MOXD1: variants seen among roughly 807,000 people sequenced by gnomAD.
MOXD1 encodes DBH-like monooxygenase protein 1.
Under a neutral mutation model 66.6 loss-of-function variants are expected in MOXD1, and 62 were observed. The observed-to-expected ratio is 0.93, with a 90% CI of 0.76 to 1.15. The LOEUF is 1.15. Among genes scored for constraint, MOXD1 ranks in the 50% most tolerant of loss-of-function variants. The pLI, the probability that MOXD1 is intolerant of heterozygous loss-of-function variation, is 0.00. For missense variants in MOXD1, 847 were observed against 754.6 expected, an observed-to-expected ratio of 1.12 and a Z score of -1.44; for synonymous variants, 303 against 281.9, an observed-to-expected ratio of 1.07 and a Z score of -0.75.
In MOXD1 at chr6:132,353,650, T is replaced by A. The variant is rs75346929; in HGVS notation, c.663+18958A>T. ...TGATGATGATGTGCCTAGGTGATTA[T>A]CTTTCTGTGATGAATTTCCCAGATC... is the stretch of plus-strand genomic sequence containing the variant. On this transcript the variant is annotated intron_variant, in intron 4 of 11. Transcript: ENST00000367963. Among the ~76,000 whole-genome samples the A allele has an allele frequency of 3.1e-3, 475 of 152,298 alleles. 26 individuals are homozygous for A. The East Asian group carries it at 0.083, about 26-fold the overall frequency.
At chr6:132,316,577 C>T (rs922168378) in intron 9 of MOXD1, among the ~76,000 whole-genome samples, 5 of 152,034 alleles carry the variant, frequency 3.3e-5, no homozygotes, top group Non-Finnish European at 5.9e-5. Context: ...AATAGAAATT[C>T]TAGAGCTGAG....
chr6:132,394,332 A>T (rs1271013651), intron 1 of MOXD1, among the ~76,000 whole-genome samples: 5 of 152,210 alleles, frequency 3.3e-5, no homozygotes, highest in African/African-American at 1.2e-4. Flanking sequence ...TATGAAAGCA[A>T]ATTCAAAAAA....
chr6:132,322,821 A>G lies in MOXD1; in HGVS notation c.1163T>C (p.Leu388Pro). The change falls in exon 8 of 12, where the codon CTC becomes CCC. Residue 388 changes from leucine to proline, a missense_variant. Transcript: ENST00000367963. ...GCCTCTGCCAGCCAGGTGAGCATGG[A>G]GAAGAACAGCAAACACATGAATTCC... ...PSGIHVFAVL[L>P]HAHLAGRGIR... 1.2e-6 allele frequency: 2 copies of G among 1,614,058 alleles called. No individual in the cohort carries two copies. The highest frequency in any genetic ancestry group is 1.7e-6 in the Non-Finnish European group (2 of 1,179,960).
Position 132,381,404 on chromosome 6 carries a change from A to G in MOXD1, c.265-6627T>C, listed in dbSNP as rs183410907. On this transcript the variant is annotated intron_variant, in intron 1 of 11. Transcript: ENST00000367963. ...GTCAATATTATACAACAGAAGTGGCATATTGGCCAATCTTAAAAGCACAAT... is the reference window on the plus strand; with the variant it reads ...GTCAATATTATACAACAGAAGTGGCGTATTGGCCAATCTTAAAAGCACAAT... 3.7e-3 allele frequency among the ~76,000 whole-genome samples: 564 copies of G among 152,282 alleles called. 2 individuals carry two copies. Among genetic ancestry groups the G allele is most frequent in the African/African-American group, 0.013 (536 of 41,576 alleles).
At chr6:132,373,935 G>A (rs75189589) in intron 2 of MOXD1, among the ~76,000 whole-genome samples, 3,530 of 151,716 alleles carry the variant, frequency 0.023, 73 homozygotes, top group South Asian at 0.058. Context: ...TTTCTGCCTC[G>A]TTCACTCTTT....
At chr6:132,339,032 C>T (rs975164535) in intron 4 of MOXD1, among the ~76,000 whole-genome samples, 1 of 152,118 alleles carries the variant, frequency 6.6e-6, no homozygotes, top group African/African-American at 2.4e-5. Context: ...AATTTTAAGG[C>T]TTGTATGTCA....
chr6:132,315,520 A>C, intron 10 of MOXD1, 115 bp downstream of exon 10: 1 of 1,222,662 alleles, frequency 8.2e-7, no homozygotes, highest in Non-Finnish European at 1.1e-6. Context: ...AAGTAATCAA[A>C]TAGAACAAAC....
intron 1 of MOXD1, chr6:132,375,053 C>T: frequency 1.9e-6 from 1 of 528,048 alleles, no homozygotes; most frequent in Non-Finnish European, 3.3e-6. Context: ...GTGTGCCTTT[C>T]CTTCCTTGGA....
At chr6:132,304,977 T>A (rs556956798) in intron 10 of MOXD1, among the ~76,000 whole-genome samples, 1 of 152,218 alleles carries the variant, frequency 6.6e-6, no homozygotes, top group African/African-American at 2.4e-5. Context: ...GTCTCTCAAC[T>A]GGAATCTGCT....
At chr6:132,307,746 C>T (rs1278932779) in intron 10 of MOXD1, among the ~76,000 whole-genome samples, 3 of 152,068 alleles carry the variant, frequency 2.0e-5, no homozygotes, top group South Asian at 2.1e-4. Flanking sequence ...TAATGGAAAT[C>T]GAACAACCTG....
intron 4 of MOXD1, among the ~76,000 whole-genome samples, chr6:132,357,962 A>G (rs1029063232): frequency 1.2e-4 from 18 of 152,234 alleles, no homozygotes; most frequent in Admixed American, 2.0e-4. Context: ...TTAGACTGTT[A>G]GAGGAAAGAA....
At chr6:132,373,383 T>C (rs1219672244) in intron 2 of MOXD1, among the ~76,000 whole-genome samples, 9 of 152,198 alleles carry the variant, frequency 5.9e-5, no homozygotes, top group African/African-American at 2.2e-4. Context: ...CTTTGGAAAA[T>C]TAAATGCCAT....
rs778443111 is a variant in MOXD1 at position 132,315,818 on chromosome 6, C to T, written c.1366-41G>A. The T allele has an allele frequency of 2.5e-6, 4 of 1,587,986 alleles. No homozygotes were observed. In the South Asian group the frequency reaches 4.5e-5, roughly 18 times the overall value. On this transcript the variant is annotated intron_variant, in intron 9 of 11. Coordinates refer to ENST00000367963, the MANE Select transcript of MOXD1 (RefSeq NM_015529.4). The stretch of plus-strand genomic sequence containing the variant: ...TTATTTAGCAAAGTATGTGTTCTAC[C>T]AACTTTGACATTTAAAGCACACAAG...
intron 10 of MOXD1, among the ~76,000 whole-genome samples, chr6:132,302,806 A>G (rs1340554842): frequency 6.6e-6 from 1 of 152,164 alleles, no homozygotes; most frequent in African/African-American, 2.4e-5. Context: ...GACTTCCTAT[A>G]AAACTATAAT....
Position 132,372,860 on chromosome 6 carries a change from G to T in MOXD1, c.549C>A (p.Ala183=). ...NPEKTSVLST[A]LPYFDLVNQD... is the part of the protein sequence containing the mutation. ...GATTTACCAGATCAAAGTATGGTAA[G>T]GCTGTAGATAGCACACTAGTTTTCT... Residue 183 remains alanine (A), a synonymous_variant, in exon 3 of 12, where the codon GCC becomes GCA. Transcript: ENST00000367963. 5 of 1,614,024 alleles carry T rather than the reference G, an allele frequency of 3.1e-6. No homozygotes were observed. Among genetic ancestry groups the T allele is most frequent in the Non-Finnish European group, 4.2e-6 (5 of 1,179,926 alleles).
chr6:132,368,607 T>C (rs531554728), intron 4 of MOXD1, among the ~76,000 whole-genome samples: 3 of 152,220 alleles, frequency 2.0e-5, no homozygotes, highest in Admixed American at 6.5e-5. Context: ...TTTTATATTT[T>C]AGTCATTTTA....
intron 4 of MOXD1, among the ~76,000 whole-genome samples, chr6:132,336,032 A>T (rs1405472104): frequency 6.6e-6 from 1 of 152,160 alleles, no homozygotes; most frequent in Non-Finnish European, 1.5e-5. Flanking sequence ...GCCCTTTTGA[A>T]CAATTTTCCT....
chr6:132,392,306 G>T, intron 1 of MOXD1: 1 of 1,593,304 alleles, frequency 6.3e-7, no homozygotes, highest in Non-Finnish European at 8.5e-7. Context: ...AAGGCTGTAA[G>T]AAATGATAAC....
intron 10 of MOXD1, among the ~76,000 whole-genome samples, chr6:132,313,064 TTTTAA>T (rs79622880): frequency 0.52 from 79,111 of 151,392 alleles, 24,502 homozygotes; most frequent in African/African-American, 0.85. Flanking sequence ...ATTTTTGTTG[TTTTAA>T]TTTGTTTACA....
Sources: allele counts gnomAD v4.1 joint callset (sites outside exome capture counted in the v4.1 genomes callset), GRCh38; gene constraint gnomAD v4.1.1; transcripts MANE v1.5; gene names NCBI Gene and HGNC (gene_info 2026-07-23, HGNC 2026-07-21).